Variants in MARK4 observed in about 807,000 individuals in gnomAD.
MARK4 encodes microtubule affinity regulating kinase 4, also known as MAP/microtubule affinity-regulating kinase 4.
A neutral mutation model predicts 81.5 loss-of-function variants in MARK4; 19 were observed. The ratio of observed to expected loss-of-function variants is 0.23; its 90% confidence interval spans 0.16 to 0.34. The LOEUF is 0.34. MARK4 is among the 10% of genes least tolerant of loss of function. The pLI, the probability that MARK4 is intolerant of heterozygous loss-of-function variation, is 1.00. For missense variants in MARK4, 772 were observed against 1,058.8 expected (o/e 0.73, Z 3.76); for synonymous variants, 436 against 439.0 (o/e 0.99, Z 0.08).
At chr19:45,259,310 C>A in intron 2 of MARK4, 121 bp downstream of exon 2, 1 of 1,063,484 alleles carries the variant, frequency 9.4e-7, no homozygotes, top group Non-Finnish European at 1.4e-6. Context: ...AAGTTCCCGA[C>A]TCTCTATGGG....
At chr19:45,294,496 G>A in intron 14 of MARK4, 44 bp downstream of exon 14, 1 of 1,549,658 alleles carries the variant, frequency 6.5e-7, no homozygotes, top group South Asian at 1.1e-5. Flanking sequence ...GAAGTAGGGG[G>A]TAGGTGAACA....
At chr19:45,262,955 G>A (rs1015693698) in intron 2 of MARK4, 158 bp from the exon 3 acceptor site, 5 of 745,954 alleles carry the variant, frequency 6.7e-6, no homozygotes, top group African/African-American at 3.5e-5. Flanking sequence ...AGTAAAGACA[G>A]GGTTTCGTCG....
At chr19:45,277,857 GT>G in intron 8 of MARK4, 65 bp from the exon 9 acceptor site, 1 of 1,435,110 alleles carries the variant, frequency 7.0e-7, no homozygotes, top group Admixed American at 1.9e-5. Context: ...GTGTGTGTGT[GT>G]GTGTGTGTGT....
intron 12 of MARK4, among the ~76,000 whole-genome samples, chr19:45,284,370 T>A (rs540578459): frequency 6.6e-6 from 1 of 151,310 alleles, no homozygotes; most frequent in East Asian, 2.0e-4. Context: ...TTGCCCAAGC[T>A]GGAGTGCAGT....
chr19:45,261,860 G>C (rs1970384665), intron 2 of MARK4, among the ~76,000 whole-genome samples: 1 of 152,026 alleles, frequency 6.6e-6, no homozygotes. Flanking sequence ...TTGAACCTGA[G>C]AGGTGGAGGT....
chr19:45,284,040 CAG>C (rs1970711379), intron 12 of MARK4, among the ~76,000 whole-genome samples: 2 of 151,682 alleles, frequency 1.3e-5, no homozygotes, highest in South Asian at 4.2e-4. Flanking sequence ...TTTTTTGAGA[CAG>C]AGTCTCACTC....
chr19:45,301,557 CAAAAAAAA>C (rs10630193), intron 16 of MARK4, among the ~76,000 whole-genome samples: 7 of 49,520 alleles, frequency 1.4e-4, no homozygotes, highest in Non-Finnish European at 1.4e-4. Context: ...AACTCTGTCT[CAAAAAAAA>C]AAAAAAAAAA....
At chr19:45,287,221 AAG>A (rs1491160892) in intron 12 of MARK4, among the ~76,000 whole-genome samples, 2,744 of 151,034 alleles carry the variant, frequency 0.018, 29 homozygotes, top group Non-Finnish European at 0.03. Flanking sequence ...AAAAAAAAAA[AAG>A]AAGGTGCAAT....
Position 45,302,497 on chromosome 19 carries a change from A to AGCCGCCCGCTGCCGCT in MARK4, c.2053_2068dup (p.Gln690ProfsTer158). The stretch of plus-strand genomic sequence containing the variant: ...TGGCAGCTCTGCGCCAGGCCACAGC[A>AGCCGCCCGCTGCCGCT]GCCGCCCGCTGCCGCTGCCGCCAGC... On this transcript the variant is annotated frameshift_variant, in exon 17 of 17. Coordinates refer to ENST00000262891, the MANE Select transcript of MARK4 (RefSeq NM_001199867.2). LOFTEE classifies it high-confidence loss of function. This position sits in a 1 kb window ranked among gnomAD's most constrained non-coding sequence, Gnocchi z 4.9. 6.2e-7 allele frequency: 1 copy of AGCCGCCCGCTGCCGCT among 1,606,462 alleles called. No homozygotes were observed. Among genetic ancestry groups the AGCCGCCCGCTGCCGCT allele is most frequent in the Non-Finnish European group, 8.5e-7 (1 of 1,179,118 alleles).
chr19:45,268,796 A>G (rs947700949), intron 7 of MARK4, among the ~76,000 whole-genome samples: 16 of 152,090 alleles, frequency 1.1e-4, no homozygotes, highest in African/African-American at 3.9e-4. Flanking sequence ...GAAAAAAAGA[A>G]AAATAATACA....
At chr19:45,281,504 G>A (rs1451849064) in intron 12 of MARK4, among the ~76,000 whole-genome samples, 1 of 151,452 alleles carries the variant, frequency 6.6e-6, no homozygotes, top group Non-Finnish European at 1.5e-5. Context: ...GGGATTACAG[G>A]CACCTGCCAC....
chr19:45,260,100 A>C (rs1238198889), intron 2 of MARK4, among the ~76,000 whole-genome samples: 3 of 151,124 alleles, frequency 2.0e-5, no homozygotes, highest in Non-Finnish European at 2.9e-5. Context: ...AAAATAAAAA[A>C]ATTAAAAGGC....
At chr19:45,298,045 A>T (rs1568504391) in intron 15 of MARK4, 91 bp downstream of exon 15, 2 of 1,555,246 alleles carry the variant, frequency 1.3e-6, no homozygotes, top group Non-Finnish European at 1.7e-6. Context: ...CCTGTACCCC[A>T]ACATTTCCTC....
chr19:45,268,315 G>A (rs148119020), intron 7 of MARK4, among the ~76,000 whole-genome samples: 78 of 152,038 alleles, frequency 5.1e-4, no homozygotes, highest in South Asian at 8.3e-4. Flanking sequence ...GGCTGGACGC[G>A]GTGGCTCTCA....
rs1257535489 is a variant in MARK4 at position 45,271,787 on chromosome 19, G to T, written c.786+79G>T. 6 of 1,338,218 alleles carry T rather than the reference G, an allele frequency of 4.5e-6. No individual in the cohort carries two copies. Among genetic ancestry groups the T allele is most frequent in the African/African-American group, 1.5e-5 (1 of 68,698 alleles). The allele number at this position is 1,338,218 out of a possible 1,614,324, so 82.9% of individuals were successfully genotyped here. A position where few individuals can be genotyped will look rare whatever the true frequency, so the allele number is the denominator to read the frequency against. ...CTATCCCCCCCACACCTCCCCTGCA[G>T]AGGGCCTCAGTGGTGGGACTGGCCT... On this transcript the variant is annotated intron_variant, in intron 8 of 16. Coordinates refer to ENST00000262891, the MANE Select transcript of MARK4 (RefSeq NM_001199867.2). The surrounding 1 kb of genome is among the most constrained non-coding windows in gnomAD (Gnocchi z 4.1).
At chr19:45,255,919 C>T (rs1970302377) in intron 1 of MARK4, among the ~76,000 whole-genome samples, 2 of 152,248 alleles carry the variant, frequency 1.3e-5, no homozygotes, top group African/African-American at 4.8e-5. Flanking sequence ...GGCTTCCAAT[C>T]AGGCCAGGGC....
At position 45,280,711 on chromosome 19, in the gene MARK4, G is replaced by A. The variant is rs755396651; in HGVS notation, c.1253G>A (p.Arg418His). 6.8e-6 allele frequency: 11 copies of A among 1,614,130 alleles called. No homozygotes were observed. Among genetic ancestry groups the A allele is most frequent in the Middle Eastern group, 1.7e-4 (1 of 6,060 alleles). ...CGGAGTTCCTCTTCCACCTACCACC[G>A]CCAGCGCAGGCATAGCGATTTCTGT... Reference protein sequence around the residue: ...GQRSSSSTYHRQRRHSDFCGP... With the variant: ...GQRSSSSTYHHQRRHSDFCGP... Residue 418 changes from arginine to histidine, a missense_variant, in exon 12 of 17, where the codon CGC (arginine) becomes CAC (histidine). Physicochemically the swap from Arg to His is conservative, Grantham distance 29. Coordinates refer to ENST00000262891, the MANE Select transcript of MARK4 (RefSeq NM_001199867.2).
intron 12 of MARK4, among the ~76,000 whole-genome samples, chr19:45,281,241 A>G (rs569814661): frequency 6.6e-6 from 1 of 151,664 alleles, no homozygotes; most frequent in Non-Finnish European, 1.5e-5. Context: ...TTCAGTAGAG[A>G]TGGGGTTTCA....
chr19:45,252,520 A>T (rs1191234742), intron 1 of MARK4, among the ~76,000 whole-genome samples: 1 of 121,182 alleles, frequency 8.3e-6, no homozygotes, highest in Non-Finnish European at 1.7e-5. Flanking sequence ...CTGCTAGGCC[A>T]AACTCAGACC....
Sources: allele counts gnomAD v4.1 joint callset (sites outside exome capture counted in the v4.1 genomes callset), GRCh38; gene constraint gnomAD v4.1.1; non-coding constraint Gnocchi (gnomAD v3.1); transcripts MANE v1.5; gene names NCBI Gene and HGNC (gene_info 2026-07-23, HGNC 2026-07-21).